MYOM1: variants seen among roughly 807,000 people sequenced by gnomAD.
MYOM1 encodes the protein myomesin-1.
MYOM1 carries 164 observed loss-of-function variants against 205.3 expected under a neutral mutation model. The ratio of observed to expected loss-of-function variants is 0.80; its 90% CI spans 0.70 to 0.91. The LOEUF is 0.91. Ranked by LOEUF, MYOM1 falls within the 40% of genes least tolerant of loss-of-function variation. The probability of loss-of-function intolerance (pLI) is 0.00; values close to 1 mark genes in which losing one functional copy is unlikely to be tolerated. For synonymous variants in MYOM1, 772 were observed against 789.4 expected, an observed-to-expected ratio of 0.98 and a Z score of 0.37; for missense variants, 2,011 against 2,127.3, an observed-to-expected ratio of 0.95 and a Z score of 1.08.
At chr18:3,203,067 C>G (rs1288328763) in intron 2 of MYOM1, among the ~76,000 whole-genome samples, 1 of 151,356 alleles carries the variant, frequency 6.6e-6, no homozygotes, top group Admixed American at 6.6e-5. Flanking sequence ...GAAGAAATCA[C>G]AAAGGAAATT....
chr18:3,106,997 T>A (rs2079459572), intron 22 of MYOM1, among the ~76,000 whole-genome samples: 1 of 152,256 alleles, frequency 6.6e-6, no homozygotes, highest in Non-Finnish European at 1.5e-5. Flanking sequence ...AAGAGAGGCA[T>A]GAACATTTCT....
intron 23 of MYOM1, among the ~76,000 whole-genome samples, chr18:3,100,875 C>T (rs1290341847): frequency 6.6e-6 from 1 of 152,206 alleles, no homozygotes; most frequent in Non-Finnish European, 1.5e-5. Context: ...ATTCTCCTCA[C>T]TGTGTAATCC....
At position 3,102,616 on chromosome 18, in the gene MYOM1, C is replaced by T; in HGVS notation, c.3433G>A (p.Val1145Ile). 6.2e-7 allele frequency: 1 copy of T among 1,613,338 alleles called. No homozygotes were observed. Among genetic ancestry groups the T allele is most frequent in the Non-Finnish European group, 8.5e-7 (1 of 1,179,638 alleles). ...ACTCCATCATCATCCACATTTACAA[C>T]AACCTCTTTGGTTCCTACAAGATCA... ...AETRPGTKEV[V>I]VNVDDDGVIS... The change falls in exon 23 of 38, where the codon GTT becomes ATT. Residue 1145 changes from valine (V) to isoleucine (I), a missense_variant. By Grantham distance (29) the Val-to-Ile change is conservative. Coordinates refer to ENST00000356443, the MANE Select transcript of MYOM1 (RefSeq NM_003803.4).
At position 3,173,905 on chromosome 18, in the gene MYOM1, GGTGACACTTAGTAAAT is replaced by G. The variant is rs747868006; in HGVS notation, c.1174+17_1174+32del. 6.3e-7 allele frequency: 1 copy of G among 1,580,656 alleles called. No individual in the cohort carries two copies. Among genetic ancestry groups the G allele is most frequent in the African/African-American group, 1.3e-5 (1 of 74,226 alleles). ...CTTATTATGCCATATTTTACATAGA[GGTGACACTTAGTAAAT>G]GTGTTTTTAAACTTACAGCTGAGGG... On this transcript the variant is annotated intron_variant, in intron 8 of 37. Transcript: ENST00000356443.
rs2080271244 is a variant in MYOM1, at chr18:3,154,833, A to C, written c.1643+114T>G. 17 of 1,115,318 alleles carry C rather than the reference A, an allele frequency of 1.5e-5. 1 individual carries two copies. In the South Asian group the frequency reaches 2.5e-4, roughly 16 times the overall value. The allele number at this position is 1,115,318 out of a possible 1,614,324, so 69.1% of individuals were successfully genotyped here. On this transcript the variant is annotated intron_variant, in intron 11 of 37. Coordinates refer to ENST00000356443, the MANE Select transcript of MYOM1 (RefSeq NM_003803.4). ...GATGAAGAGAGATACAGAAATAGAA[A>C]GAGGAGGAGAGGAAAGCCAGAAAAG...
At chr18:3,097,219 G>A (rs1023319902) in intron 25 of MYOM1, among the ~76,000 whole-genome samples, 3 of 152,190 alleles carry the variant, frequency 2.0e-5, no homozygotes, top group Non-Finnish European at 4.4e-5. Context: ...AAGTGGGTAT[G>A]AATCAAGAAA....
rs1304787826 is a variant in MYOM1 at position 3,215,241 on chromosome 18, A to C, written c.-18T>G. 6.3e-7 allele frequency: 1 copy of C among 1,591,034 alleles called. No individual in the cohort carries two copies. ...AAAGACATCCTGTGCCCCTTGAAGG[A>C]ACCGGGCCACCTGAAGGAAAACAAC... On this transcript the variant is annotated 5_prime_UTR_variant, in exon 2 of 38. Transcript: ENST00000356443.
chr18:3,136,955 C>CT (rs1218905520), intron 14 of MYOM1, among the ~76,000 whole-genome samples: 1,633 of 143,504 alleles, frequency 0.011, 17 homozygotes, highest in African/African-American at 0.036. Context: ...TTTCTTTTTT[C>CT]TTTTTTTTTT....
Position 3,104,584 on chromosome 18 carries a change from G to A in MYOM1, c.3419-1954C>T, listed in dbSNP as rs767292160. Among the ~76,000 whole-genome samples, 188 of 152,000 alleles carry A rather than the reference G, an allele frequency of 1.2e-3. 1 individual carries two copies. The highest frequency in any genetic ancestry group is 1.4e-3 in the East Asian group (7 of 5,182). ...GAATACGAACAATTTAATCAGCCTC[G>A]CCATTCTCTAAATGCTGTAGATAAC... On this transcript the variant is annotated intron_variant, in intron 22 of 37. Transcript: ENST00000356443.
At chr18:3,116,614 G>A in intron 20 of MYOM1, 99 bp from the exon 21 acceptor site, 3 of 1,091,758 alleles carry the variant, frequency 2.7e-6, no homozygotes, top group South Asian at 4.7e-5. Flanking sequence ...ATCTAACACT[G>A]GTGTTCTTTT....
At position 3,075,761 on chromosome 18, in the gene MYOM1, G is replaced by A. The variant is rs775657868; in HGVS notation, c.4649C>T (p.Ala1550Val). The A allele has an allele frequency of 6.3e-7, 1 of 1,584,820 alleles. No homozygotes were observed. The highest frequency in any genetic ancestry group is 8.6e-7 in the Non-Finnish European group (1 of 1,164,072). ...GAATTCAGCATAGGCCTCATCGTAT[G>A]CTTTAAAAGAAAAAAGAAAAGTTAG... ...HQKTVDLSGQAYDEAYAEFQR... is the reference protein window; with the variant it reads ...HQKTVDLSGQVYDEAYAEFQR... Residue 1550 changes from alanine to valine, a missense_variant and splice_region_variant, in exon 35 of 38, where the codon GCA becomes GTA. Physicochemically the swap from Ala to Val is moderately conservative, Grantham distance 64 (BLOSUM62 0). Transcript: ENST00000356443.
intron 1 of MYOM1, among the ~76,000 whole-genome samples, chr18:3,218,817 C>T (rs967993848): frequency 1.3e-5 from 2 of 152,104 alleles, no homozygotes; most frequent in Admixed American, 6.5e-5. Flanking sequence ...AAAATAAAAT[C>T]TTTAAATATC....
chr18:3,113,302 A>G (rs537087609), intron 21 of MYOM1, among the ~76,000 whole-genome samples: 6 of 11,572 alleles, frequency 5.2e-4, no homozygotes, highest in African/African-American at 1.3e-3. Flanking sequence ...TTGTGTCTAT[A>G]TATATATATA....
At chr18:3,076,311 G>T (rs911111118) in intron 34 of MYOM1, among the ~76,000 whole-genome samples, 2 of 152,118 alleles carry the variant, frequency 1.3e-5, no homozygotes, top group Admixed American at 6.5e-5. Flanking sequence ...TAAGTGATTT[G>T]CCCGTCTCGG....
intron 8 of MYOM1, among the ~76,000 whole-genome samples, chr18:3,169,897 G>T (rs913828172): frequency 1.3e-5 from 2 of 152,148 alleles, no homozygotes; most frequent in Non-Finnish European, 2.9e-5. Flanking sequence ...ATTAACCTAA[G>T]TGTTCAACCA....
At chr18:3,090,837 T>C in intron 26 of MYOM1, 35 bp from the exon 27 acceptor site, 1 of 1,612,658 alleles carries the variant, frequency 6.2e-7, no homozygotes, top group Non-Finnish European at 8.5e-7. Context: ...GAGAAATCAC[T>C]GAGGCATATA....
rs112709936 is a variant in MYOM1 at position 3,090,805 on chromosome 18, T to G, written c.3865-3A>C. ...CGGTCAATATGCATTTTATATTTCTTCAGTGTGAAAAGAAAATGACAGAGA... is the reference window on the plus strand; with the variant it reads ...CGGTCAATATGCATTTTATATTTCTGCAGTGTGAAAAGAAAATGACAGAGA... On this transcript the variant is annotated splice_region_variant and splice_polypyrimidine_tract_variant and intron_variant, in intron 26 of 37. Transcript: ENST00000356443. 1 of 1,613,850 alleles carries G rather than the reference T, an allele frequency of 6.2e-7. No homozygotes were observed. The highest frequency in any genetic ancestry group is 1.1e-5 in the South Asian group (1 of 91,050).
At chr18:3,100,644 G>C (rs1445129026) in intron 23 of MYOM1, among the ~76,000 whole-genome samples, 1 of 152,152 alleles carries the variant, frequency 6.6e-6, no homozygotes, top group African/African-American at 2.4e-5. Flanking sequence ...ATGGTGACGG[G>C]AGAGTGGAAC....
chr18:3,079,070 C>T, intron 34 of MYOM1, 109 bp downstream of exon 34: 1 of 1,163,544 alleles, frequency 8.6e-7, no homozygotes, highest in Non-Finnish European at 1.2e-6. Flanking sequence ...GCCTTGGCCT[C>T]TCAAGGTGTT....
Sources: gnomAD v4.1 joint callset for allele counts (sites outside exome capture counted in the v4.1 genomes callset) on GRCh38, gnomAD v4.1.1 for gene constraint, MANE v1.5 for transcripts, NCBI Gene and HGNC (gene_info 2026-07-23, HGNC 2026-07-21) for gene names.